Variants in FBP1 observed in about 807,000 individuals in gnomAD.
The protein encoded by FBP1 is fructose-1,6-bisphosphatase 1.
In FBP1, 22 loss-of-function variants were observed where a neutral mutation model predicts 29.9. The ratio of observed to expected loss-of-function variants is 0.74; its 90% CI spans 0.53 to 1.05. The LOEUF is 1.05. Among genes scored for constraint, FBP1 ranks in the 50% least tolerant of loss-of-function variants. The pLI, the probability that FBP1 is intolerant of heterozygous loss-of-function variation, is 0.00. For missense variants in FBP1, 345 were observed against 448.2 expected, an observed-to-expected ratio of 0.77 and a Z score of 2.08; for synonymous variants, 175 against 178.6, an observed-to-expected ratio of 0.98 and a Z score of 0.16.
intron 3 of FBP1, among the ~76,000 whole-genome samples, chr9:94,616,586 C>A (rs1827866574): frequency 6.6e-6 from 1 of 151,860 alleles, no homozygotes; most frequent in African/African-American, 2.4e-5. Flanking sequence ...GCGCCCACCA[C>A]CATGCCTGGC....
chr9:94,605,720 G>A (rs540863310), intron 5 of FBP1, 144 bp from the exon 6 acceptor site: 12 of 785,492 alleles, frequency 1.5e-5, no homozygotes, highest in Non-Finnish European at 1.7e-5. Flanking sequence ...AAAATGTGAT[G>A]AGAATCCTGT....
At chr9:94,639,911 T>G (rs572358900), upstream of FBP1, 34 of 180,204 alleles carry the variant, frequency 1.9e-4, no homozygotes, top group Non-Finnish European at 3.6e-4. Context: ...CCACATGGCC[T>G]GGCTTTAGCT....
In FBP1 at chr9:94,639,143, G is replaced by C; in HGVS notation, c.168C>G (p.His56Gln). The C allele has an allele frequency of 6.3e-7, 1 of 1,598,008 alleles. No individual in the cohort carries two copies. Among genetic ancestry groups the C allele is most frequent in the East Asian group, 2.3e-5 (1 of 43,900 alleles). Residue 56 changes from histidine to glutamine, a missense_variant and splice_region_variant, in exon 1 of 7, where the codon CAC becomes CAG. His to Gln is a conservative substitution (Grantham distance 24). Coordinates refer to ENST00000375326, the MANE Select transcript of FBP1 (RefSeq NM_000507.4). ...SSAVRKAGIAHLYGIAGSTNV... is the reference protein window; with the variant it reads ...SSAVRKAGIAQLYGIAGSTNV... ...CCACCGCCCAAGGCCCGACTCACAG[G>C]TGCGCGATGCCCGCCTTGCGCACCG...
chr9:94,621,656 A>T (rs914868078), intron 1 of FBP1, among the ~76,000 whole-genome samples: 4 of 152,286 alleles, frequency 2.6e-5, no homozygotes, highest in African/African-American at 9.6e-5. Flanking sequence ...CTACAGATAT[A>T]GTAGATATCT....
rs1447034532 is a variant in FBP1 at position 94,606,854 on chromosome 9, A to T, written c.666T>A (p.Pro222=). 1.2e-6 allele frequency: 2 copies of T among 1,614,034 alleles called. No individual in the cohort carries two copies. Among genetic ancestry groups the T allele is most frequent in the Non-Finnish European group, 1.7e-6 (2 of 1,179,886 alleles). ...TCCTCTGGATGTACTCAGTGACGGCAGGGTCAAAGTCCCTGGCGTAGCCCT... is the reference window on the plus strand; with the variant it reads ...TCCTCTGGATGTACTCAGTGACGGCTGGGTCAAAGTCCCTGGCGTAGCCCT... ...LNEGYARDFD[P]AVTEYIQRKK... The change falls in exon 5 of 7, where the codon CCT becomes CCA. Residue 222 remains proline, a synonymous_variant. Coordinates refer to ENST00000375326, the MANE Select transcript of FBP1 (RefSeq NM_000507.4).
chr9:94,639,245 G>C lies in FBP1; in HGVS notation c.66C>G (p.Gly22=), dbSNP rs556756210. The part of the protein sequence containing the change: ...NTLTRFVMEE[G]RKARGTGELT... ...ACTCGCCCGTGCCGCGGGCCTTCCT[G>C]CCCTCCTCCATGACGAAGCGGGTCA... Residue 22 remains glycine, a synonymous_variant, in exon 1 of 7, where the codon GGC becomes GGG. Transcript: ENST00000375326. 3 of 1,602,798 alleles carry C rather than the reference G, an allele frequency of 1.9e-6. No homozygotes were observed. The East Asian group carries it at 6.8e-5, about 36-fold the overall frequency.
intron 3 of FBP1, among the ~76,000 whole-genome samples, chr9:94,612,368 G>C (rs1193722241): frequency 6.6e-6 from 1 of 152,102 alleles, no homozygotes; most frequent in Non-Finnish European, 1.5e-5. Context: ...TGTGGCAAAG[G>C]TGCAAAAGTA....
chr9:94,615,733 A>C (rs529526359), intron 3 of FBP1, among the ~76,000 whole-genome samples: 3 of 152,178 alleles, frequency 2.0e-5, no homozygotes, highest in African/African-American at 7.2e-5. Context: ...TAACTGTGCC[A>C]TGGGGGCTCT....
At chr9:94,636,574 C>T (rs535144757) in intron 1 of FBP1, among the ~76,000 whole-genome samples, 19 of 152,166 alleles carry the variant, frequency 1.2e-4, no homozygotes, top group African/African-American at 4.6e-4. Flanking sequence ...CAAGGTCCCA[C>T]TGTCTAAGGT....
chr9:94,614,030 G>A (rs536270860), intron 3 of FBP1, among the ~76,000 whole-genome samples: 3 of 149,308 alleles, frequency 2.0e-5, no homozygotes, highest in South Asian at 2.1e-4. Context: ...GCAGTGAGCC[G>A]AGATCGTGCT....
At chr9:94,603,683 A>T in intron 6 of FBP1, 111 bp from the exon 7 acceptor site, 1 of 987,634 alleles carries the variant, frequency 1.0e-6, no homozygotes, top group African/African-American at 1.6e-5. Flanking sequence ...AAGGGAACGA[A>T]TACTGTATTT....
intron 3 of FBP1, among the ~76,000 whole-genome samples, chr9:94,612,683 A>T (rs929384894): frequency 3.3e-5 from 5 of 151,392 alleles, no homozygotes; most frequent in African/African-American, 9.7e-5. Context: ...CAGCCTCCCA[A>T]GTAGCTGGGA....
At chr9:94,609,832 C>G in intron 4 of FBP1, 89 bp downstream of exon 4, 1 of 1,459,092 alleles carries the variant, frequency 6.9e-7, no homozygotes, top group Non-Finnish European at 9.6e-7. Context: ...CACCTCCCAC[C>G]TCCACATACC....
At chr9:94,619,668 G>T (rs970433942) in intron 2 of FBP1, among the ~76,000 whole-genome samples, 2 of 151,960 alleles carry the variant, frequency 1.3e-5, no homozygotes, top group East Asian at 3.9e-4. Context: ...GAGGTCAGGA[G>T]TTCAAGGCCA....
chr9:94,638,086 CAAAAAAAA>C (rs11308338), intron 1 of FBP1, among the ~76,000 whole-genome samples: 2 of 110,208 alleles, frequency 1.8e-5, no homozygotes, highest in East Asian at 4.1e-4. Context: ...AATTCCATCT[CAAAAAAAA>C]AAAAAAAAAG....
At chr9:94,637,438 G>A (rs1471851811) in intron 1 of FBP1, among the ~76,000 whole-genome samples, 1 of 148,974 alleles carries the variant, frequency 6.7e-6, no homozygotes, top group Non-Finnish European at 1.5e-5. Flanking sequence ...CGCTCTTGTC[G>A]CGCAGGCTGG....
chr9:94,639,565 G>GC, upstream of FBP1: 2 of 577,914 alleles, frequency 3.5e-6, no homozygotes, highest in East Asian at 5.9e-5. Flanking sequence ...ACGCGGGTCG[G>GC]CCCCCCGCCC....
intron 1 of FBP1, among the ~76,000 whole-genome samples, chr9:94,621,935 C>T (rs906949073): frequency 6.6e-6 from 1 of 152,068 alleles, no homozygotes; most frequent in Non-Finnish European, 1.5e-5. Flanking sequence ...AAACTCAGAC[C>T]CAAGACTCCT....
At chr9:94,634,416 A>G (rs1003676281) in intron 1 of FBP1, among the ~76,000 whole-genome samples, 8 of 152,190 alleles carry the variant, frequency 5.3e-5, no homozygotes, top group African/African-American at 1.9e-4. Flanking sequence ...GGAACTTTGT[A>G]CATGGTGGAT....
Sources: allele counts gnomAD v4.1 joint callset (sites outside exome capture counted in the v4.1 genomes callset), GRCh38; gene constraint gnomAD v4.1.1; transcripts MANE v1.5; gene names NCBI Gene and HGNC (gene_info 2026-07-23, HGNC 2026-07-21).